The following RABGAP1L variants were observed in gnomAD, a reference collection of about 807,000 sequenced individuals.
RABGAP1L encodes the protein rab GTPase-activating protein 1-like.
A neutral mutation model predicts 137.7 loss-of-function variants in RABGAP1L; 63 were observed. The observed-to-expected ratio is 0.46, with a 90% confidence interval of 0.37 to 0.56. RABGAP1L has a LOEUF of 0.56. Among genes scored for constraint, RABGAP1L ranks in the 20% least tolerant of loss-of-function variants. RABGAP1L has a pLI of 0.00. For synonymous variants in RABGAP1L, 431 were observed against 433.7 expected (o/e 0.99, Z 0.08); for missense variants, 1,095 against 1,244.0 (o/e 0.88, Z 1.80).
rs568598848 is a variant in RABGAP1L at position 174,747,120 on chromosome 1, A to G, written c.2170-5193A>G. 1.4e-3 allele frequency among the ~76,000 whole-genome samples: 210 copies of G among 152,282 alleles called. 1 individual carries two copies. The highest frequency in any genetic ancestry group is 4.9e-3 in the African/African-American group (205 of 41,550). On this transcript the variant is annotated intron_variant, in intron 17 of 25. Transcript: ENST00000681986. ...ATTTTGCTTTTAAAAATACATTTCA[A>G]GGCTGAGTGTATTGTCTCATGCCTG...
chr1:174,260,500 A>G (rs1348542600), intron 7 of RABGAP1L, among the ~76,000 whole-genome samples: 1 of 152,198 alleles, frequency 6.6e-6, no homozygotes, highest in African/African-American at 2.4e-5. Flanking sequence ...ATCATTGTAT[A>G]TGAAATGTGT....
At chr1:174,541,521 A>G (rs754134835) in intron 13 of RABGAP1L, among the ~76,000 whole-genome samples, 1 of 152,184 alleles carries the variant, frequency 6.6e-6, no homozygotes, top group Non-Finnish European at 1.5e-5. Flanking sequence ...CACCACCTGT[A>G]ATCCCAGCAC....
chr1:174,925,443 T>A lies in RABGAP1L; in HGVS notation c.2341-32014T>A, dbSNP rs79858921. ...AACCTTGGCAGGAGCATGTCTGGTGTACCGGAGGAACCACAAGGAGGCTAG... is the reference window on the plus strand; with the variant it reads ...AACCTTGGCAGGAGCATGTCTGGTGAACCGGAGGAACCACAAGGAGGCTAG... On this transcript the variant is annotated intron_variant, in intron 19 of 25. Coordinates refer to ENST00000681986, the MANE Select transcript of RABGAP1L (RefSeq NM_001366446.1). Among the ~76,000 whole-genome samples the A allele has an allele frequency of 6.5e-3, 970 of 148,752 alleles. 44 individuals are homozygous for A. The East Asian group carries it at 0.12, about 18-fold the overall frequency.
At chr1:174,590,326 G>T (rs1273608074) in intron 13 of RABGAP1L, among the ~76,000 whole-genome samples, 149 of 129,236 alleles carry the variant, frequency 1.2e-3, no homozygotes, top group African/African-American at 3.8e-3. Context: ...ATGCTGTATT[G>T]TTTTTTTTTC....
At chr1:174,927,300 A>G (rs1209232667) in intron 19 of RABGAP1L, among the ~76,000 whole-genome samples, 1 of 152,186 alleles carries the variant, frequency 6.6e-6, no homozygotes, top group East Asian at 1.9e-4. Context: ...CCAACCTAGT[A>G]TTAATAGGTA....
chr1:174,756,683 C>A (rs1684792585), intron 18 of RABGAP1L, among the ~76,000 whole-genome samples: 1 of 151,938 alleles, frequency 6.6e-6, no homozygotes, highest in African/African-American at 2.4e-5. Flanking sequence ...AGTGAGAATC[C>A]AAAAAAGTTA....
chr1:174,556,468 T>G (rs1572312851), intron 13 of RABGAP1L, among the ~76,000 whole-genome samples: 2 of 152,158 alleles, frequency 1.3e-5, no homozygotes, highest in African/African-American at 2.4e-5. Context: ...GGGAGGCCAG[T>G]TAGGAGGCTG....
At chr1:174,446,013 A>G (rs1654720971) in intron 13 of RABGAP1L, among the ~76,000 whole-genome samples, 1 of 152,190 alleles carries the variant, frequency 6.6e-6, no homozygotes, top group Non-Finnish European at 1.5e-5. Context: ...TGCAGTAGCC[A>G]TTGGCTGTGC....
At chr1:174,590,123 C>CTTTTTTTTTT (rs1166364912) in intron 13 of RABGAP1L, among the ~76,000 whole-genome samples, 19 of 59,798 alleles carry the variant, frequency 3.2e-4, no homozygotes, top group Non-Finnish European at 4.1e-4. Flanking sequence ...TCTTCAGTTT[C>CTTTTTTTTTT]TTTTTTTTTT....
intron 11 of RABGAP1L, among the ~76,000 whole-genome samples, chr1:174,351,444 A>C (rs1462877243): frequency 6.6e-6 from 1 of 152,156 alleles, no homozygotes; most frequent in Non-Finnish European, 1.5e-5. Context: ...CACTGAATAT[A>C]CTATCCTAAG....
intron 13 of RABGAP1L, among the ~76,000 whole-genome samples, chr1:174,536,642 C>G (rs1227704334): frequency 3.9e-5 from 6 of 151,982 alleles, no homozygotes; most frequent in African/African-American, 1.4e-4. Flanking sequence ...GCCTAAGTCA[C>G]TGATTAGAAG....
Position 174,768,046 on chromosome 1 carries a change from G to A in RABGAP1L, c.2211+15692G>A, listed in dbSNP as rs187318134. Among the ~76,000 whole-genome samples the A allele has an allele frequency of 3.7e-3, 561 of 152,298 alleles. 7 individuals carry two copies. The highest frequency in any genetic ancestry group is 0.021 in the South Asian group (99 of 4,826). On this transcript the variant is annotated intron_variant, in intron 18 of 25. Transcript: ENST00000681986. ...ACCTGGTCCCTCCCACAACACATGG[G>A]AATTATGCGAGTACAATTCAAGATG...
chr1:174,632,822 T>C (rs1673541786), intron 13 of RABGAP1L, among the ~76,000 whole-genome samples: 1 of 149,182 alleles, frequency 6.7e-6, no homozygotes, highest in Non-Finnish European at 1.5e-5. Flanking sequence ...TTTCAACTTC[T>C]TTGCCTTTGG....
intron 13 of RABGAP1L, among the ~76,000 whole-genome samples, chr1:174,433,866 G>A (rs1278523084): frequency 2.0e-5 from 3 of 151,968 alleles, no homozygotes; most frequent in African/African-American, 4.8e-5. Context: ...CTCTCATTTC[G>A]TGGCTTTACA....
intron 17 of RABGAP1L, among the ~76,000 whole-genome samples, chr1:174,749,955 C>T (rs182618306): frequency 1.3e-5 from 2 of 152,126 alleles, no homozygotes; most frequent in Admixed American, 6.6e-5. Context: ...TTGCAAGCTC[C>T]GCCTCCTGGG....
At chr1:174,749,755 A>C (rs1450140567) in intron 17 of RABGAP1L, among the ~76,000 whole-genome samples, 1 of 152,226 alleles carries the variant, frequency 6.6e-6, no homozygotes, top group African/African-American at 2.4e-5. Context: ...CTAGACTCTC[A>C]GCCAATCTCT....
chr1:174,356,058 CAT>C (rs1214411802), intron 11 of RABGAP1L, among the ~76,000 whole-genome samples: 14 of 152,180 alleles, frequency 9.2e-5, no homozygotes, highest in African/African-American at 2.2e-4. Flanking sequence ...AGGTCATACA[CAT>C]GTGGTTTTGG....
At chr1:174,608,960 T>C (rs1670985904) in intron 13 of RABGAP1L, among the ~76,000 whole-genome samples, 1 of 152,164 alleles carries the variant, frequency 6.6e-6, no homozygotes, top group South Asian at 2.1e-4. Flanking sequence ...ATATTCTCTA[T>C]TTTTCATAAT....
At chr1:174,257,757 A>T (rs1302183149) in intron 7 of RABGAP1L, among the ~76,000 whole-genome samples, 1 of 152,194 alleles carries the variant, frequency 6.6e-6, no homozygotes, top group Non-Finnish European at 1.5e-5. Flanking sequence ...CATTAGGACA[A>T]TTGTTTTTAA....
Sources: allele counts gnomAD v4.1 joint callset (sites outside exome capture counted in the v4.1 genomes callset), GRCh38; gene constraint gnomAD v4.1.1; transcripts MANE v1.5; gene names NCBI Gene and HGNC (gene_info 2026-07-23, HGNC 2026-07-21).